PAM: variants seen among roughly 807,000 people sequenced by gnomAD.
PAM encodes peptidyl-glycine alpha-amidating monooxygenase.
In PAM, 72 loss-of-function variants were observed where a neutral mutation model predicts 122.1. The ratio of observed to expected loss-of-function variants is 0.59; its 90% CI spans 0.49 to 0.72. The LOEUF (loss-of-function observed/expected upper bound fraction) is 0.72, where lower values mean the gene tolerates loss of function less well. Ranked by LOEUF, PAM falls within the 30% of genes least tolerant of loss-of-function variation. PAM has a pLI of 0.00. For missense variants in PAM, 1,106 were observed against 1,183.7 expected, an observed-to-expected ratio of 0.93 and a Z score of 0.96; for synonymous variants, 389 against 404.4, an observed-to-expected ratio of 0.96 and a Z score of 0.46.
chr5:102,869,830 C>T (rs1219509494), intron 3 of PAM, among the ~76,000 whole-genome samples: 1 of 151,128 alleles, frequency 6.6e-6, no homozygotes, highest in Non-Finnish European at 1.5e-5. Context: ...TTACACAAGT[C>T]CTTAAGAGGA....
rs562723043 is a variant in PAM, at chr5:102,898,335, A to G, written c.211-3021A>G. 5.9e-5 allele frequency among the ~76,000 whole-genome samples: 9 copies of G among 151,710 alleles called. No homozygotes were observed. In the East Asian group the frequency reaches 1.4e-3, roughly 23 times the overall value. On this transcript the variant is annotated intron_variant, in intron 3 of 25. Coordinates refer to ENST00000438793, the MANE Select transcript of PAM (RefSeq NM_001177306.2). ...GTCCCCTGGCACCAAGCTCAGATACAGTGTTCTTTCCACAGAGAGAAAAAG... is the reference window on the plus strand; with the variant it reads ...GTCCCCTGGCACCAAGCTCAGATACGGTGTTCTTTCCACAGAGAGAAAAAG...
chr5:102,775,379 T>C (rs2149800408), intron 1 of PAM, among the ~76,000 whole-genome samples: 1 of 151,400 alleles, frequency 6.6e-6, no homozygotes, highest in Admixed American at 6.6e-5. Flanking sequence ...GTGCAGGACG[T>C]GCAGGTTTGT....
chr5:102,820,668 A>G (rs1255123098), intron 1 of PAM, among the ~76,000 whole-genome samples: 1 of 152,222 alleles, frequency 6.6e-6, no homozygotes, highest in East Asian at 1.9e-4. Context: ...ATTATGCATA[A>G]CAACATAAAT....
intron 3 of PAM, among the ~76,000 whole-genome samples, chr5:102,895,577 A>G (rs891513983): frequency 6.0e-5 from 9 of 149,896 alleles, no homozygotes; most frequent in Middle Eastern, 3.4e-3. Context: ...CCTGGGGGGA[A>G]AAAAACACAG....
intron 1 of PAM, among the ~76,000 whole-genome samples, chr5:102,775,585 T>C (rs1756954267): frequency 6.6e-6 from 1 of 152,100 alleles, no homozygotes; most frequent in Non-Finnish European, 1.5e-5. Flanking sequence ...AGTGAGAACA[T>C]GTGGTGTTTG....
chr5:102,944,387 T>G (rs1756315724), intron 7 of PAM, among the ~76,000 whole-genome samples: 1 of 151,934 alleles, frequency 6.6e-6, no homozygotes, highest in Non-Finnish European at 1.5e-5. Flanking sequence ...TGAGAGAGAG[T>G]TAACCTGGCG....
intron 21 of PAM, among the ~76,000 whole-genome samples, chr5:103,014,812 G>A (rs1400156296): frequency 1.3e-5 from 2 of 152,176 alleles, no homozygotes; most frequent in African/African-American, 4.8e-5. Flanking sequence ...TCAAAAAGCT[G>A]TGAGAGAAAA....
intron 14 of PAM, among the ~76,000 whole-genome samples, chr5:102,970,367 T>C (rs1173292042): frequency 6.6e-6 from 1 of 152,178 alleles, no homozygotes; most frequent in Non-Finnish European, 1.5e-5. Context: ...GGTTGGACAG[T>C]GCAGACATAG....
At chr5:103,022,944 A>G (rs1302993000) in intron 23 of PAM, among the ~76,000 whole-genome samples, 1 of 152,124 alleles carries the variant, frequency 6.6e-6, no homozygotes, top group Non-Finnish European at 1.5e-5. Context: ...TTAGAATGGA[A>G]CATTTTAAAT....
chr5:102,959,632 G>T (rs982581128), intron 12 of PAM, among the ~76,000 whole-genome samples: 4 of 152,048 alleles, frequency 2.6e-5, no homozygotes, highest in African/African-American at 7.2e-5. Flanking sequence ...TTCATCAGTG[G>T]TATTTAGTAG....
chr5:102,873,042 C>T (rs2151026645), intron 3 of PAM, among the ~76,000 whole-genome samples: 1 of 151,902 alleles, frequency 6.6e-6, no homozygotes, highest in East Asian at 1.9e-4. Context: ...GTATAGCAAA[C>T]CTACATATGT....
intron 15 of PAM, among the ~76,000 whole-genome samples, chr5:102,976,932 C>G (rs1767866611): frequency 6.6e-6 from 1 of 152,098 alleles, no homozygotes; most frequent in Non-Finnish European, 1.5e-5. Context: ...GATAAACTTC[C>G]CAAGAACACT....
chr5:102,799,032 GA>G (rs1181500271), intron 1 of PAM, among the ~76,000 whole-genome samples: 1 of 152,134 alleles, frequency 6.6e-6, no homozygotes, highest in African/African-American at 2.4e-5. Context: ...AACTTCTTTT[GA>G]GAAAATGTGT....
chr5:102,858,694 C>T (rs887965248), intron 1 of PAM, among the ~76,000 whole-genome samples: 3 of 152,114 alleles, frequency 2.0e-5, no homozygotes, highest in Middle Eastern at 6.8e-3. Flanking sequence ...CTTCTAGTTA[C>T]AAAAGTAATA....
intron 3 of PAM, among the ~76,000 whole-genome samples, chr5:102,876,677 G>T (rs1789311900): frequency 6.6e-6 from 1 of 152,208 alleles, no homozygotes; most frequent in South Asian, 2.1e-4. Context: ...GTATGTGGGG[G>T]CTCAGTAGAG....
intron 3 of PAM, among the ~76,000 whole-genome samples, chr5:102,880,787 A>G (rs1790723766): frequency 1.3e-5 from 2 of 152,074 alleles, no homozygotes; most frequent in Admixed American, 1.3e-4. Context: ...ATTAAAATCA[A>G]TAAAAAGAAA....
intron 1 of PAM, among the ~76,000 whole-genome samples, chr5:102,835,827 A>G (rs1376990873): frequency 1.3e-5 from 2 of 152,172 alleles, no homozygotes; most frequent in African/African-American, 4.8e-5. Flanking sequence ...AGTATATTTC[A>G]TATGTTTCAG....
chr5:102,923,780 A>G (rs1748310406), intron 5 of PAM, among the ~76,000 whole-genome samples: 1 of 152,208 alleles, frequency 6.6e-6, no homozygotes, highest in Admixed American at 6.5e-5. Flanking sequence ...AACACGCCCA[A>G]GATACAGAGC....
intron 21 of PAM, among the ~76,000 whole-genome samples, chr5:103,012,146 A>C (rs1435475016): frequency 1.3e-5 from 2 of 152,042 alleles, no homozygotes; most frequent in Non-Finnish European, 2.9e-5. Context: ...TGAGCTCCTT[A>C]TATATTGTGG....
Sources: gnomAD v4.1 joint callset for allele counts (sites outside exome capture counted in the v4.1 genomes callset) on GRCh38, gnomAD v4.1.1 for gene constraint, MANE v1.5 for transcripts, NCBI Gene and HGNC (gene_info 2026-07-23, HGNC 2026-07-21) for gene names.